Variants in PLEKHH2 observed in about 807,000 individuals in gnomAD.
The protein encoded by PLEKHH2 is pleckstrin homology, MyTH4 and FERM domain containing H2, also known as pleckstrin homology domain-containing family H member 2.
PLEKHH2 carries 129 observed loss-of-function variants against 187.9 expected under a neutral mutation model. The ratio of observed to expected loss-of-function variants is 0.69; its 90% CI spans 0.59 to 0.79. PLEKHH2 has a LOEUF of 0.79. Among genes scored for constraint, PLEKHH2 ranks in the 30% least tolerant of loss-of-function variants. The pLI is 0.00. For synonymous variants in PLEKHH2, 686 were observed against 605.6 expected (o/e 1.13, Z -1.95); for missense variants, 2,076 against 1,751.2 (o/e 1.19, Z -3.31).
chr2:43,732,666 C>A lies in PLEKHH2; in HGVS notation c.2943+1064C>A, dbSNP rs114449701. ...TTACTCTTCCACTTTTTCTTCATCT[C>A]TAAGACCTTTGTTTTGAACCATTAG... On this transcript the variant is annotated intron_variant, in intron 19 of 29. Transcript: ENST00000282406. Among the ~76,000 whole-genome samples the A allele has an allele frequency of 8.0e-3, 1,212 of 152,280 alleles. 18 individuals carry two copies. Among genetic ancestry groups the A allele is most frequent in the African/African-American group, 0.027 (1,130 of 41,552 alleles).
At position 43,673,490 on chromosome 2, in the gene PLEKHH2, C is replaced by T. The variant is rs114517965; in HGVS notation, c.124-5373C>T. On this transcript the variant is annotated intron_variant, in intron 2 of 29. Coordinates refer to ENST00000282406, the MANE Select transcript of PLEKHH2 (RefSeq NM_172069.4). Reference sequence around the variant, plus strand: ...ACAACATCCTGTAAAGTAGTCAGAACGGGTTATATTATCCACATTTTATAC... The same window carrying T: ...ACAACATCCTGTAAAGTAGTCAGAATGGGTTATATTATCCACATTTTATAC... 9.9e-3 allele frequency among the ~76,000 whole-genome samples: 1,507 copies of T among 152,170 alleles called. 22 individuals carry two copies. The highest frequency in any genetic ancestry group is 0.034 in the African/African-American group (1,426 of 41,504).
chr2:43,648,909 G>GCAGA (rs1666330443), intron 2 of PLEKHH2, among the ~76,000 whole-genome samples: 3 of 152,106 alleles, frequency 2.0e-5, no homozygotes, highest in Admixed American at 1.3e-4. Flanking sequence ...GATAGCAGAT[G>GCAGA]TATTTCTGAA....
chr2:43,693,173 C>G (rs747678814), intron 4 of PLEKHH2, among the ~76,000 whole-genome samples: 1 of 152,152 alleles, frequency 6.6e-6, no homozygotes, highest in South Asian at 2.1e-4. Flanking sequence ...GATCCACACA[C>G]CTCAGCCTCC....
At position 43,700,162 on chromosome 2, in the gene PLEKHH2, A is replaced by G; in HGVS notation, c.1204A>G (p.Ser402Gly). The G allele has an allele frequency of 6.2e-7, 1 of 1,614,204 alleles. No homozygotes were observed. Among genetic ancestry groups the G allele is most frequent in the Non-Finnish European group, 8.5e-7 (1 of 1,180,040 alleles). The change falls in exon 8 of 30, where the codon AGT (serine) becomes GGT (glycine). Residue 402 changes from serine (S) to glycine (G), a missense_variant. Coordinates refer to ENST00000282406, the MANE Select transcript of PLEKHH2 (RefSeq NM_172069.4). ...SQRLDYSSSSSEANTPSPILT... is the reference protein window; with the variant it reads ...SQRLDYSSSSGEANTPSPILT... ...GAGACTCGATTATTCATCTTCATCGAGTGAAGCCAACACCCCAAGCCCTAT... is the reference window on the plus strand; with the variant it reads ...GAGACTCGATTATTCATCTTCATCGGGTGAAGCCAACACCCCAAGCCCTAT...
At chr2:43,759,389 T>G (rs1279599470) in intron 27 of PLEKHH2, among the ~76,000 whole-genome samples, 1 of 152,254 alleles carries the variant, frequency 6.6e-6, no homozygotes, top group Non-Finnish European at 1.5e-5. Flanking sequence ...AGCTAAGCTC[T>G]AGGGATACAT....
chr2:43,754,875 T>TC (rs1451109737), intron 25 of PLEKHH2, among the ~76,000 whole-genome samples: 1 of 148,876 alleles, frequency 6.7e-6, no homozygotes, highest in Non-Finnish European at 1.5e-5. Flanking sequence ...TCAACTTTTT[T>TC]TTTTTTTTTT....
rs547079729 is a variant in PLEKHH2 at position 43,748,625 on chromosome 2, C to T, written c.3653+2662C>T. Among the ~76,000 whole-genome samples, 57 of 152,358 alleles carry T rather than the reference C, an allele frequency of 3.7e-4. 1 individual carries two copies. In the East Asian group the frequency reaches 0.01, roughly 28 times the overall value. On this transcript the variant is annotated intron_variant, in intron 24 of 29. Coordinates refer to ENST00000282406, the MANE Select transcript of PLEKHH2 (RefSeq NM_172069.4). ...GACAGCTCTCCAGATAATTCTTACA[C>T]GTGCTGGGTTTTGAGAAGCACTGAC...
intron 26 of PLEKHH2, among the ~76,000 whole-genome samples, chr2:43,757,600 A>T (rs1372004665): frequency 2.0e-5 from 3 of 151,800 alleles, no homozygotes; most frequent in Non-Finnish European, 4.4e-5. Context: ...TTGTATTTTT[A>T]GTAGAGATGG....
intron 26 of PLEKHH2, among the ~76,000 whole-genome samples, chr2:43,757,741 C>T (rs1672272914): frequency 6.7e-6 from 1 of 150,060 alleles, no homozygotes; most frequent in South Asian, 2.2e-4. Context: ...AAGATAAGCC[C>T]AGAAGCTTTA....
Position 43,710,228 on chromosome 2 carries a change from G to A in PLEKHH2, c.2112G>A (p.Leu704=). The change falls in exon 13 of 30, where the codon CTG becomes CTA. Residue 704 remains leucine (L), a synonymous_variant. Transcript: ENST00000282406. ...SSSDNGKNEP[L]EKSGYLLKMS... ...TATCTTTTAAAAATTAGGAACCACT[G>A]GAAAAATCTGGTTATTTATTAAAAA... 1 of 1,613,898 alleles carries A rather than the reference G, an allele frequency of 6.2e-7. No individual in the cohort carries two copies. The highest frequency in any genetic ancestry group is 8.5e-7 in the Non-Finnish European group (1 of 1,179,878).
intron 2 of PLEKHH2, among the ~76,000 whole-genome samples, chr2:43,655,142 G>A (rs998431406): frequency 6.6e-6 from 1 of 151,982 alleles, no homozygotes; most frequent in Non-Finnish European, 1.5e-5. Context: ...GAAGTTCCGG[G>A]GGCTGCAGTG....
At chr2:43,690,473 G>C (rs913974517) in intron 3 of PLEKHH2, among the ~76,000 whole-genome samples, 2 of 151,732 alleles carry the variant, frequency 1.3e-5, no homozygotes, top group Non-Finnish European at 2.9e-5. Flanking sequence ...TGGCATTCAT[G>C]GTTCAAAAAA....
chr2:43,756,671 G>T (rs1405759285), intron 25 of PLEKHH2, among the ~76,000 whole-genome samples: 1 of 152,160 alleles, frequency 6.6e-6, no homozygotes, highest in Non-Finnish European at 1.5e-5. Flanking sequence ...AAGCCAGGCG[G>T]TGGCTCTGGC....
chr2:43,731,782 TAGTG>T (rs1178909911), intron 19 of PLEKHH2, among the ~76,000 whole-genome samples, 180 bp downstream of exon 19: 1 of 152,208 alleles, frequency 6.6e-6, no homozygotes, highest in African/African-American at 2.4e-5. Flanking sequence ...TATGCTTTCT[TAGTG>T]AGGATTTGGG....
rs747641127 is a variant in PLEKHH2 at position 43,726,451 on chromosome 2, G to T, written c.2721G>T (p.Lys907Asn). 3.8e-6 allele frequency: 6 copies of T among 1,595,444 alleles called. No individual in the cohort carries two copies. The highest frequency in any genetic ancestry group is 2.2e-5 in the East Asian group (1 of 44,708). Residue 907 changes from lysine (K) to asparagine (N), a missense_variant and splice_region_variant, in exon 17 of 30, where the codon AAG (lysine) becomes AAT (asparagine). Physicochemically the swap from Lys to Asn is moderately conservative, Grantham distance 94. Coordinates refer to ENST00000282406, the MANE Select transcript of PLEKHH2 (RefSeq NM_172069.4). ...TCCTAATTGGATCCAAGCATGAAAA[G>T]GTATTCAAAGACTTATTGGTTGATT... ...TYLLIGSKHE[K>N]DTWLYHLTVA...
At chr2:43,736,879 G>T (rs1439545982) in intron 19 of PLEKHH2, among the ~76,000 whole-genome samples, 1 of 152,124 alleles carries the variant, frequency 6.6e-6, no homozygotes, top group Non-Finnish European at 1.5e-5. Flanking sequence ...GAGAGGGAGG[G>T]AGGGAGAGCT....
chr2:43,694,658 G>A (rs764575968), intron 5 of PLEKHH2, 144 bp downstream of exon 5: 2 of 859,050 alleles, frequency 2.3e-6, no homozygotes, highest in Non-Finnish European at 3.3e-6. Flanking sequence ...TGAGATATAG[G>A]TAGCTTTCAT....
intron 1 of PLEKHH2, among the ~76,000 whole-genome samples, chr2:43,642,199 A>T (rs1665972349): frequency 6.6e-6 from 1 of 152,170 alleles, no homozygotes; most frequent in African/African-American, 2.4e-5. Flanking sequence ...TTCTTTTGTT[A>T]AATTCATTCC....
At chr2:43,759,108 C>T (rs893945175) in intron 27 of PLEKHH2, 79 bp downstream of exon 27, 7 of 1,452,344 alleles carry the variant, frequency 4.8e-6, no homozygotes, top group Non-Finnish European at 6.4e-6. Flanking sequence ...GACTTAGTAT[C>T]CTTGGCTTTT....
Sources: gnomAD v4.1 joint callset for allele counts (sites outside exome capture counted in the v4.1 genomes callset) on GRCh38, gnomAD v4.1.1 for gene constraint, MANE v1.5 for transcripts, NCBI Gene and HGNC (gene_info 2026-07-23, HGNC 2026-07-21) for gene names.